The following PSMD5 variants were observed in gnomAD, a reference collection of about 807,000 sequenced individuals.
PSMD5 encodes proteasome 26S subunit, non-ATPase 5, also known as 26S proteasome non-ATPase regulatory subunit 5.
In PSMD5, 40 loss-of-function variants were observed where a neutral mutation model predicts 52.1. That is an observed-to-expected ratio of 0.77 (90% CI 0.60 to 1.00). PSMD5 has a LOEUF of 1.00. Ranked by LOEUF, PSMD5 falls within the 50% of genes least tolerant of loss-of-function variation. The pLI is 0.00. For synonymous variants in PSMD5, 211 were observed against 226.6 expected, an observed-to-expected ratio of 0.93 and a Z score of 0.62; for missense variants, 575 against 605.2, an observed-to-expected ratio of 0.95 and a Z score of 0.52.
chr9:120,831,747 C>A, intron 3 of PSMD5, 85 bp downstream of exon 3: 1 of 1,522,780 alleles, frequency 6.6e-7, no homozygotes, highest in Non-Finnish European at 8.8e-7. Context: ...TCTAAACCTT[C>A]ACCTCTCAAT....
intron 1 of PSMD5, among the ~76,000 whole-genome samples, chr9:120,838,806 G>A (rs2045215297): frequency 6.6e-6 from 1 of 152,176 alleles, no homozygotes; most frequent in African/African-American, 2.4e-5. Flanking sequence ...GGTTGGACAA[G>A]GTGGCCACTC....
rs2045158818 is a variant in PSMD5 at position 120,831,391 on chromosome 9, C to G, written c.501G>C (p.Leu167=). 2 of 1,612,776 alleles carry G rather than the reference C, an allele frequency of 1.2e-6. No homozygotes were observed. Among genetic ancestry groups the G allele is most frequent in the Non-Finnish European group, 1.7e-6 (2 of 1,179,552 alleles). The change falls in exon 4 of 10, where the codon CTG becomes CTC. Residue 167 remains leucine, a synonymous_variant. Coordinates refer to ENST00000210313, the MANE Select transcript of PSMD5 (RefSeq NM_005047.4). The stretch of plus-strand genomic sequence containing the variant: ...TCATTACACTTTTCAAATCATCCAG[C>G]AGATTGCTTTCAAATAAAGCCTCCA... ...AGLEALFESN[L]LDDLKSVMKT...
intron 7 of PSMD5, among the ~76,000 whole-genome samples, chr9:120,823,776 G>T (rs2045102734): frequency 6.6e-6 from 1 of 151,672 alleles, no homozygotes; most frequent in African/African-American, 2.4e-5. Flanking sequence ...GCCTCCCAAA[G>T]TGCTGGATTA....
intron 5 of PSMD5, 100 bp downstream of exon 5, chr9:120,828,999 C>A (rs1240080613): frequency 4.5e-6 from 6 of 1,341,858 alleles, no homozygotes; most frequent in Non-Finnish European, 5.8e-6. Context: ...GAGATTGCAA[C>A]CTGGGCAAAG....
chr9:120,837,879 T>A lies in PSMD5; in HGVS notation c.174-4423A>T, dbSNP rs141570819. 3.4e-3 allele frequency among the ~76,000 whole-genome samples: 518 copies of A among 152,270 alleles called. 6 individuals carry two copies. Among genetic ancestry groups the A allele is most frequent in the African/African-American group, 0.01 (428 of 41,564 alleles). ...TCTCAAATGTTCACCAACAGGGGAATGGATAAAAAACTGTAGTACATTCAT... is the reference window on the plus strand; with the variant it reads ...TCTCAAATGTTCACCAACAGGGGAAAGGATAAAAAACTGTAGTACATTCAT... On this transcript the variant is annotated intron_variant, in intron 1 of 9. Transcript: ENST00000210313.
intron 8 of PSMD5, 131 bp from the exon 9 acceptor site, chr9:120,821,110 G>A (rs2045081291): frequency 6.3e-6 from 7 of 1,116,586 alleles, no homozygotes; most frequent in Non-Finnish European, 7.4e-6. Flanking sequence ...GCTAAGTCTG[G>A]AGGACTCTTT....
chr9:120,840,973 C>T lies in PSMD5; in HGVS notation c.173+1764G>A, dbSNP rs186154060. ...TTCACCATGTTGGCCAGGATGGTCT[C>T]GATCTCTTGACCTGGTGATCTGCCC... On this transcript the variant is annotated intron_variant, in intron 1 of 9. Coordinates refer to ENST00000210313, the MANE Select transcript of PSMD5 (RefSeq NM_005047.4). Among the ~76,000 whole-genome samples, 271 of 151,554 alleles carry T rather than the reference C, an allele frequency of 1.8e-3. 2 individuals are homozygous for T. The highest frequency in any genetic ancestry group is 5.9e-3 in the African/African-American group (245 of 41,348).
intron 3 of PSMD5, 98 bp from the exon 4 acceptor site, chr9:120,831,557 C>T: frequency 7.3e-7 from 1 of 1,367,396 alleles, no homozygotes; most frequent in South Asian, 1.5e-5. Context: ...TGCACCTTGC[C>T]CATGTTTTAG....
rs1001429870 is a variant in PSMD5, at chr9:120,826,830, A to G, written c.749T>C (p.Ile250Thr). ...GRQYLAQEGV[I>T]DQISNIIVGA... The stretch of plus-strand genomic sequence containing the variant: ...AACAATTATATTAGAAATTTGGTCA[A>G]TTACTCCTTCTTGAGCAAGATATTG... The change falls in exon 6 of 10, where the codon ATT becomes ACT. Residue 250 changes from isoleucine (I) to threonine (T), a missense_variant. Transcript: ENST00000210313. The G allele has an allele frequency of 4.3e-6, 7 of 1,613,596 alleles. No individual in the cohort carries two copies. The highest frequency in any genetic ancestry group is 3.3e-5 in the South Asian group (3 of 91,080).
chr9:120,841,887 G>A (rs2045241064), intron 1 of PSMD5: 1 of 152,156 alleles, frequency 6.6e-6, no homozygotes, highest in African/African-American at 2.4e-5. Flanking sequence ...GGTTTCCCTA[G>A]CAGGCTTGAC....
chr9:120,820,996 G>GA lies in PSMD5; in HGVS notation c.1117-18dup. 6.4e-7 allele frequency: 1 copy of GA among 1,567,410 alleles called. No individual in the cohort carries two copies. Among genetic ancestry groups the GA allele is most frequent in the Non-Finnish European group, 8.6e-7 (1 of 1,165,766 alleles). On this transcript the variant is annotated splice_polypyrimidine_tract_variant and intron_variant, in intron 8 of 9. Transcript: ENST00000210313. ...CTGCTCAGGCTACAGGAAAGAAAAGGAAAATCTCATCAAAAGTTAACTGAT... is the reference window on the plus strand; with the variant it reads ...CTGCTCAGGCTACAGGAAAGAAAAGGAAAAATCTCATCAAAAGTTAACTGAT...
chr9:120,829,129 C>T lies in PSMD5; in HGVS notation c.641G>A (p.Arg214Lys). ...CAACACATCCTCACCAGTCAGCTCT[C>T]TCAGGAGCTGGGTTACCAATCCACT... ...TTSGLVTQLL[R>K]ELTGEDVLVR... Residue 214 changes from arginine (R) to lysine (K), a missense_variant, in exon 5 of 10, where the codon AGA becomes AAA. Transcript: ENST00000210313. The T allele has an allele frequency of 6.2e-7, 1 of 1,605,692 alleles. No individual in the cohort carries two copies. Among genetic ancestry groups the T allele is most frequent in the Non-Finnish European group, 8.5e-7 (1 of 1,175,912 alleles).
chr9:120,827,383 A>G (rs2045129839), intron 5 of PSMD5, among the ~76,000 whole-genome samples: 1 of 152,226 alleles, frequency 6.6e-6, no homozygotes, highest in Non-Finnish European at 1.5e-5. Context: ...ATACTTTAGT[A>G]TGCATCTCTA....
In PSMD5 at chr9:120,831,459, C is replaced by A. The variant is rs1480428520; in HGVS notation, c.433G>T (p.Ala145Ser). 6.3e-7 allele frequency: 1 copy of A among 1,595,524 alleles called. No individual in the cohort carries two copies. Among genetic ancestry groups the A allele is most frequent in the Non-Finnish European group, 8.5e-7 (1 of 1,174,310 alleles). Residue 145 changes from alanine to serine, a missense_variant and splice_region_variant, in exon 4 of 10, where the codon GCT becomes TCT. Transcript: ENST00000210313. The part of the protein sequence containing the change: ...GGENLSVAKA[A>S]IKSLSRISLT... ...GATATTCTTGACAGGGATTTGATAGCCTTATAACGAAAGAAAATATCTCTT... is the reference window on the plus strand; with the variant it reads ...GATATTCTTGACAGGGATTTGATAGACTTATAACGAAAGAAAATATCTCTT...
chr9:120,830,881 C>T (rs12684934), intron 4 of PSMD5, among the ~76,000 whole-genome samples: 73,673 of 144,936 alleles, frequency 0.51, 20,296 homozygotes, highest in South Asian at 0.74. Flanking sequence ...TTATATTGCA[C>T]TGTAAATATA....
chr9:120,829,582 G>A (rs1290888862), intron 4 of PSMD5, among the ~76,000 whole-genome samples: 4 of 152,154 alleles, frequency 2.6e-5, no homozygotes, highest in East Asian at 1.9e-4. Flanking sequence ...TTTTAGTAGC[G>A]ATGGGGTTTT....
chr9:120,831,028 C>T (rs991768819), intron 4 of PSMD5, among the ~76,000 whole-genome samples: 1 of 152,244 alleles, frequency 6.6e-6, no homozygotes, highest in South Asian at 2.1e-4. Context: ...GGACGACATG[C>T]ACATACCACC....
At chr9:120,841,858 T>C (rs1353125737) in intron 1 of PSMD5, 3 of 152,220 alleles carry the variant, frequency 2.0e-5, no homozygotes, top group African/African-American at 7.2e-5. Context: ...TTGATTGCTC[T>C]CTGACCTAGC....
At chr9:120,818,753 A>G (rs2045062944) in intron 9 of PSMD5, among the ~76,000 whole-genome samples, 1 of 151,722 alleles carries the variant, frequency 6.6e-6, no homozygotes, top group African/African-American at 2.4e-5. Context: ...GTAACATTGA[A>G]GAGAAAAAAA....
Sources: allele counts gnomAD v4.1 joint callset (sites outside exome capture counted in the v4.1 genomes callset), GRCh38; gene constraint gnomAD v4.1.1; transcripts MANE v1.5; gene names NCBI Gene and HGNC (gene_info 2026-07-23, HGNC 2026-07-21).